Variants in UNC79 observed in about 807,000 individuals in gnomAD.
UNC79 encodes protein unc-79 homolog.
A neutral mutation model predicts 283.1 loss-of-function variants in UNC79; 37 were observed. The observed-to-expected ratio is 0.13, with a 90% CI of 0.10 to 0.17. UNC79 has a LOEUF of 0.17. Ranked by LOEUF, UNC79 falls within the 10% of genes least tolerant of loss-of-function variation. The pLI is 1.00. For synonymous variants in UNC79, 1,107 were observed against 1,200.2 expected, an observed-to-expected ratio of 0.92 and a Z score of 1.61; for missense variants, 2,272 against 3,211.1, an observed-to-expected ratio of 0.71 and a Z score of 7.07.
At chr14:93,586,282 G>T (rs1311381420) in intron 20 of UNC79, among the ~76,000 whole-genome samples, 2 of 152,222 alleles carry the variant, frequency 1.3e-5, no homozygotes, top group Non-Finnish European at 2.9e-5. Context: ...AACAGAACTA[G>T]CAGCACTGTG....
At chr14:93,358,977 T>C (rs967059304) in intron 1 of UNC79, among the ~76,000 whole-genome samples, 9 of 151,880 alleles carry the variant, frequency 5.9e-5, no homozygotes, top group Non-Finnish European at 2.9e-5. Flanking sequence ...ACTACTTGAG[T>C]TTTCTAATTT....
chr14:93,586,983 A>G, intron 22 of UNC79, 75 bp downstream of exon 22: 1 of 1,552,654 alleles, frequency 6.4e-7, no homozygotes, highest in Admixed American at 1.9e-5. Context: ...TTAGATTAAG[A>G]TTTACTGGCT....
rs1178629602 is a variant in UNC79, at chr14:93,531,424, C to T, written c.1094-1126C>T. On this transcript the variant is annotated intron_variant, in intron 10 of 48. Coordinates refer to ENST00000555664, the Ensembl canonical transcript of UNC79. The surrounding 1 kb of genome is among the most constrained non-coding windows in gnomAD (Gnocchi z 4.2). Reference sequence around the variant, plus strand: ...TTTGAGTACATACTATTTCAGAGTACATATTAGCCAATTCTTGGAAAATTT... The same window carrying T: ...TTTGAGTACATACTATTTCAGAGTATATATTAGCCAATTCTTGGAAAATTT... Among the ~76,000 whole-genome samples, 3 of 152,144 alleles carry T rather than the reference C, an allele frequency of 2.0e-5. No individual in the cohort carries two copies. The highest frequency in any genetic ancestry group is 4.4e-5 in the Non-Finnish European group (3 of 68,028).
chr14:93,546,437 G>C (rs1029234918), intron 14 of UNC79, among the ~76,000 whole-genome samples: 1 of 152,140 alleles, frequency 6.6e-6, no homozygotes. Flanking sequence ...TCCCAATTAT[G>C]TCCTGTTAAA....
chr14:93,654,100 T>A, intron 37 of UNC79, 75 bp downstream of exon 40: 1 of 1,265,814 alleles, frequency 7.9e-7, no homozygotes, highest in Non-Finnish European at 1.1e-6. Context: ...CTGTGTTTCT[T>A]TGAGTCACAC....
At chr14:93,418,810 G>A (rs1001154112) in intron 1 of UNC79, among the ~76,000 whole-genome samples, 18 of 151,954 alleles carry the variant, frequency 1.2e-4, no homozygotes, top group Admixed American at 9.8e-4. Flanking sequence ...CTCCGTGGGC[G>A]TAGGATCCTC....
intron 5 of UNC79, among the ~76,000 whole-genome samples, chr14:93,495,876 C>T (rs2140585593): frequency 6.6e-6 from 1 of 152,206 alleles, no homozygotes; most frequent in East Asian, 1.9e-4. Flanking sequence ...TTAAAAATTC[C>T]TCTATAAGAT....
In UNC79 at chr14:93,621,839, G is replaced by A; in HGVS notation, c.4606G>A (p.Ala1536Thr). ...CATAGAGAAGCCTCCGACCCAAGCT[G>A]CGTATATCGCACAAAGACCAAACGA... The change falls in exon 30 of 49, where the codon GCG becomes ACG. Residue 1536 changes from alanine to threonine, a missense_variant. By Grantham distance (58) the Ala-to-Thr change is moderately conservative. Transcript: ENST00000555664. This position sits in a 1 kb window ranked among gnomAD's most constrained non-coding sequence, Gnocchi z 4.8. The A allele has an allele frequency of 6.2e-7, 1 of 1,614,134 alleles. No individual in the cohort carries two copies. The highest frequency in any genetic ancestry group is 2.2e-5 in the East Asian group (1 of 44,874).
intron 7 of UNC79, among the ~76,000 whole-genome samples, chr14:93,503,778 TAA>T (rs1162699335): frequency 7.1e-6 from 1 of 140,266 alleles, no homozygotes; most frequent in African/African-American, 3.3e-5. Context: ...TATCATTAAA[TAA>T]AGTTATTTTA....
upstream of UNC79, chr14:93,430,315 C>T (rs905753085): frequency 6.5e-6 from 1 of 152,800 alleles, no homozygotes; most frequent in East Asian, 1.9e-4. The surrounding 1 kb of genome is among the most constrained non-coding windows in gnomAD (Gnocchi z 4.6). Flanking sequence ...GAGAGCCCAT[C>T]GCAGAGGGGA....
In UNC79 at chr14:93,496,405, T is replaced by C; in HGVS notation, c.713-6T>C. On this transcript the variant is annotated splice_region_variant and splice_polypyrimidine_tract_variant and intron_variant, in intron 5 of 48. Coordinates refer to ENST00000555664, the Ensembl canonical transcript of UNC79. ...TCATGTATGAATTACATTTTCTACA[T>C]TACAGTGTATCATTGTCAATTACTG... is the stretch of plus-strand genomic sequence containing the variant. 1 of 1,535,686 alleles carries C rather than the reference T, an allele frequency of 6.5e-7. No individual in the cohort carries two copies. The highest frequency in any genetic ancestry group is 8.7e-7 in the Non-Finnish European group (1 of 1,144,226).
At chr14:93,333,215 C>T (rs1247911152), upstream of UNC79, 5 of 375,918 alleles carry the variant, frequency 1.3e-5, no homozygotes, top group African/African-American at 9.0e-5. Context: ...AGTGCGCGCG[C>T]ATTATTTTTG....
At chr14:93,338,332 C>T (rs1354411615) in intron 1 of UNC79, among the ~76,000 whole-genome samples, 1 of 152,164 alleles carries the variant, frequency 6.6e-6, no homozygotes, top group Non-Finnish European at 1.5e-5. Context: ...ACTGCTTGCT[C>T]TCCCTTTGCC....
intron 10 of UNC79, among the ~76,000 whole-genome samples, chr14:93,530,635 C>T (rs559987784): frequency 1.3e-5 from 2 of 151,830 alleles, no homozygotes; most frequent in Admixed American, 1.3e-4. Flanking sequence ...ACAGGCCGGG[C>T]GCGGTGGCTC....
At chr14:93,634,598 CAGT>C in intron 31 of UNC79, 1 of 1,614,128 alleles carries the variant, frequency 6.2e-7, no homozygotes, top group Non-Finnish European at 8.5e-7. Flanking sequence ...GCTGGAGCAT[CAGT>C]CTAGCGCCCC....
chr14:93,383,744 C>T (rs997292936), intron 1 of UNC79, among the ~76,000 whole-genome samples: 3 of 151,978 alleles, frequency 2.0e-5, no homozygotes, highest in African/African-American at 7.3e-5. Context: ...GTGTCCCCAC[C>T]GAAATCTCAT....
chr14:93,459,563 T>G (rs2056888815), intron 1 of UNC79, among the ~76,000 whole-genome samples: 2 of 152,042 alleles, frequency 1.3e-5, no homozygotes, highest in South Asian at 4.1e-4. Context: ...AAGAACAATG[T>G]AGTCTGGCAG....
chr14:93,598,123 A>G (rs2065210831), intron 24 of UNC79, among the ~76,000 whole-genome samples: 1 of 152,008 alleles, frequency 6.6e-6, no homozygotes, highest in African/African-American at 2.4e-5. Flanking sequence ...AATAGCTAGG[A>G]CAACAGGTAT....
chr14:93,444,948 A>T (rs2056419238), intron 1 of UNC79, among the ~76,000 whole-genome samples: 1 of 152,208 alleles, frequency 6.6e-6, no homozygotes, highest in African/African-American at 2.4e-5. Context: ...TTACTTTCTT[A>T]ACAATCCTTG....
Sources: gnomAD v4.1 joint callset for allele counts (sites outside exome capture counted in the v4.1 genomes callset) on GRCh38, gnomAD v4.1.1 for gene constraint, Gnocchi (gnomAD v3.1) non-coding constraint, MANE v1.5 for transcripts, NCBI Gene and HGNC (gene_info 2026-07-23, HGNC 2026-07-21) for gene names.